CEP192: variants seen among roughly 807,000 people sequenced by gnomAD.
CEP192 encodes the protein centrosomal protein of 192 kDa.
CEP192 carries 151 observed loss-of-function variants against 271.8 expected under a neutral mutation model. That is an observed-to-expected ratio of 0.56 (90% CI 0.49 to 0.64). The LOEUF is 0.64. Among genes scored for constraint, CEP192 ranks in the 30% least tolerant of loss-of-function variants. CEP192 has a pLI of 0.00. For synonymous variants in CEP192, 995 were observed against 1,076.5 expected (o/e 0.92, Z 1.48); for missense variants, 2,910 against 3,020.5 (o/e 0.96, Z 0.86).
chr18:13,053,090 G>A lies in CEP192; in HGVS notation c.3189G>A (p.Lys1063=). Reference sequence around the variant, plus strand: ...CAGATGATGCCCTGGAGGACCGCAAGGTGGGCAGCCACTTGGATTATTTAT... The same window carrying A: ...CAGATGATGCCCTGGAGGACCGCAAAGTGGGCAGCCACTTGGATTATTTAT... The part of the protein sequence containing the change: ...TATDDALEDR[K]SDITSELSTT... The change falls in exon 18 of 45, where the codon AAG becomes AAA. Residue 1063 remains lysine (K), a splice_region_variant and synonymous_variant. Transcript: ENST00000506447. 1 of 1,598,776 alleles carries A rather than the reference G, an allele frequency of 6.3e-7. No individual in the cohort carries two copies. Among genetic ancestry groups the A allele is most frequent in the Non-Finnish European group, 8.5e-7 (1 of 1,172,608 alleles).
chr18:13,087,649 A>C lies in CEP192; in HGVS notation c.5993+3A>C. The C allele has an allele frequency of 7.1e-7, 1 of 1,416,716 alleles. No homozygotes were observed. Among genetic ancestry groups the C allele is most frequent in the Non-Finnish European group, 9.7e-7 (1 of 1,029,960 alleles). 87.8% of individuals were successfully genotyped at this position (1,416,716 alleles called of 1,614,324 possible). A position where few individuals can be genotyped will look rare whatever the true frequency, so the allele number is the denominator to read the frequency against. ...ATTTCAAGACAGCAGTATCGCAGGT[A>C]GATTACTTATCTTACACAATGTTGG... is the stretch of plus-strand genomic sequence containing the variant. On this transcript the variant is annotated splice_donor_region_variant and intron_variant, in intron 32 of 44. Coordinates refer to ENST00000506447, the MANE Select transcript of CEP192 (RefSeq NM_032142.4).
chr18:13,094,044 C>T (rs913633324), intron 34 of CEP192, among the ~76,000 whole-genome samples: 5 of 152,120 alleles, frequency 3.3e-5, no homozygotes, highest in East Asian at 3.8e-4. Flanking sequence ...TAAAATATCC[C>T]GCAATTTCAG....
At position 13,048,863 on chromosome 18, in the gene CEP192, C is replaced by CT; in HGVS notation, c.2075dup (p.Phe693LeufsTer16). On this transcript the variant is annotated frameshift_variant, in exon 16 of 45. Transcript: ENST00000506447. LOFTEE classifies it high-confidence loss of function. ...GTTTAATTTTCTCACTTCTAGGACA[C>CT]TTTCTTCATGAGCAACAAACCCCAA... 6.3e-7 allele frequency: 1 copy of CT among 1,591,526 alleles called. No homozygotes were observed. The highest frequency in any genetic ancestry group is 8.6e-7 in the Non-Finnish European group (1 of 1,166,786).
rs564794753 is a variant in CEP192 at position 13,074,552 on chromosome 18, T to C, written c.5616+1367T>C. 1.2e-4 allele frequency among the ~76,000 whole-genome samples: 19 copies of C among 152,340 alleles called. No individual in the cohort carries two copies. In the South Asian group the frequency reaches 3.9e-3, roughly 32 times the overall value. On this transcript the variant is annotated intron_variant, in intron 30 of 44. Coordinates refer to ENST00000506447, the MANE Select transcript of CEP192 (RefSeq NM_032142.4). ...GAATCTCTAGTAAGTCTCTGGTGAT[T>C]TAGGGCAGAACCTTTGATTTAATAA...
intron 4 of CEP192, among the ~76,000 whole-genome samples, chr18:13,010,292 T>C (rs894358230): frequency 3.3e-5 from 5 of 152,236 alleles, no homozygotes; most frequent in African/African-American, 4.8e-5. Flanking sequence ...TATGCACTTA[T>C]ATAGTGTGGT....
intron 3 of CEP192, among the ~76,000 whole-genome samples, 166 bp downstream of exon 3, chr18:13,001,748 GGCTATAGT>G (rs2033658878): frequency 6.6e-6 from 1 of 152,206 alleles, no homozygotes; most frequent in Admixed American, 6.5e-5. Flanking sequence ...CCATTGCCCA[GGCTATAGT>G]GCAATGGTGT....
intron 19 of CEP192, 115 bp from the exon 20 acceptor site, chr18:13,057,470 C>G: frequency 8.4e-7 from 1 of 1,189,292 alleles, no homozygotes. Flanking sequence ...AGCACTTTGA[C>G]TCTAGCTCTG....
At chr18:13,073,708 C>T (rs1285322308) in intron 30 of CEP192, among the ~76,000 whole-genome samples, 4 of 152,206 alleles carry the variant, frequency 2.6e-5, no homozygotes. Context: ...TGTCCCCACT[C>T]ATCGTGAGAA....
intron 11 of CEP192, among the ~76,000 whole-genome samples, chr18:13,033,142 G>A (rs1051100347): frequency 3.3e-5 from 5 of 152,052 alleles, no homozygotes; most frequent in East Asian, 1.9e-4. Context: ...CCTCTCTATC[G>A]TAAAAAGTTT....
chr18:13,075,921 A>G (rs1274351119), intron 30 of CEP192, among the ~76,000 whole-genome samples: 1 of 152,212 alleles, frequency 6.6e-6, no homozygotes, highest in Non-Finnish European at 1.5e-5. Flanking sequence ...TAGGGTGCTA[A>G]TAACAGCTCT....
intron 30 of CEP192, among the ~76,000 whole-genome samples, chr18:13,079,818 G>A (rs1259670658): frequency 6.6e-6 from 1 of 152,172 alleles, no homozygotes; most frequent in Non-Finnish European, 1.5e-5. Flanking sequence ...TTTGAATCAG[G>A]TTTAAGGAAG....
In CEP192 at chr18:13,068,227, A is replaced by T. The variant is rs992070225; in HGVS notation, c.4748A>T (p.Tyr1583Phe). 1 of 1,614,082 alleles carries T rather than the reference A, an allele frequency of 6.2e-7. No homozygotes were observed. Among genetic ancestry groups the T allele is most frequent in the Non-Finnish European group, 8.5e-7 (1 of 1,179,994 alleles). Residue 1583 changes from tyrosine to phenylalanine, a missense_variant, in exon 23 of 45, where the codon TAT (tyrosine) becomes TTT (phenylalanine). Transcript: ENST00000506447. Reference protein sequence around the residue: ...SVVNHMMPASYDGQDPEFLMI... With the variant: ...SVVNHMMPASFDGQDPEFLMI... The stretch of plus-strand genomic sequence containing the variant: ...GTCAACCACATGATGCCTGCTAGTT[A>T]TGATGGACAGGTGGGAGAGAACTGG...
At chr18:13,015,763 T>TG (rs1347299918) in intron 6 of CEP192, among the ~76,000 whole-genome samples, 5 of 151,926 alleles carry the variant, frequency 3.3e-5, no homozygotes, top group Non-Finnish European at 5.9e-5. Context: ...TTTTTTTTTT[T>TG]GAGATGGAAT....
At chr18:13,096,337 G>A (rs775054172) in intron 36 of CEP192, 30 bp downstream of exon 36, 1 of 1,597,190 alleles carries the variant, frequency 6.3e-7, no homozygotes, top group Admixed American at 1.7e-5. Context: ...TGCTCTGCGT[G>A]TTACTTAGGT....
chr18:13,059,389 G>A (rs1414920377), intron 21 of CEP192, 77 bp downstream of exon 21: 1 of 1,250,188 alleles, frequency 8.0e-7, no homozygotes, highest in Non-Finnish European at 1.1e-6. Context: ...TAAAATTTGG[G>A]AAAAAGAAAT....
chr18:13,112,570 G>A (rs28529749), intron 40 of CEP192, among the ~76,000 whole-genome samples: 42 of 152,314 alleles, frequency 2.8e-4, no homozygotes, highest in African/African-American at 9.6e-4. Context: ...ATTTGAAGGG[G>A]TATAGTTAGG....
At chr18:13,090,702 G>C (rs2039100090) in intron 33 of CEP192, among the ~76,000 whole-genome samples, 1 of 152,076 alleles carries the variant, frequency 6.6e-6, no homozygotes, top group Non-Finnish European at 1.5e-5. Context: ...TAAGGGACCA[G>C]AGCAAAGGAA....
chr18:13,086,868 G>T (rs1172422771), intron 30 of CEP192, 149 bp from the exon 31 acceptor site: 1 of 567,206 alleles, frequency 1.8e-6, no homozygotes, highest in Non-Finnish European at 3.1e-6. Flanking sequence ...TATACTGCTG[G>T]ACTGGAAATG....
intron 30 of CEP192, among the ~76,000 whole-genome samples, chr18:13,078,479 C>CTAG (rs1480632592): frequency 6.6e-6 from 1 of 152,214 alleles, no homozygotes; most frequent in East Asian, 1.9e-4. Context: ...AATGATATTT[C>CTAG]TAGTTCCAGA....
Sources: allele counts gnomAD v4.1 joint callset (sites outside exome capture counted in the v4.1 genomes callset), GRCh38; gene constraint gnomAD v4.1.1; transcripts MANE v1.5; gene names NCBI Gene and HGNC (gene_info 2026-07-23, HGNC 2026-07-21).